Variants in CPA6 observed in about 807,000 individuals in gnomAD.
CPA6 encodes the protein carboxypeptidase A6.
A neutral mutation model predicts 63.3 loss-of-function variants in CPA6; 58 were observed. The observed-to-expected ratio is 0.92, with a 90% CI of 0.74 to 1.14. The LOEUF is 1.14. Ranked by LOEUF, CPA6 falls within the 50% of genes most tolerant of loss-of-function variation. The pLI is 0.00. For missense variants in CPA6, 565 were observed against 526.6 expected, an observed-to-expected ratio of 1.07 and a Z score of -0.71; for synonymous variants, 185 against 179.0, an observed-to-expected ratio of 1.03 and a Z score of -0.27.
chr8:67,580,282 G>C (rs1371182441), intron 2 of CPA6, among the ~76,000 whole-genome samples: 3 of 152,214 alleles, frequency 2.0e-5, no homozygotes, highest in Admixed American at 6.5e-5. Flanking sequence ...GCATGCTTAG[G>C]AGGAAGTGGT....
chr8:67,744,065 G>A (rs770290720), intron 1 of CPA6, among the ~76,000 whole-genome samples: 1 of 152,190 alleles, frequency 6.6e-6, no homozygotes, highest in Non-Finnish European at 1.5e-5. Context: ...TAGTTTTGGA[G>A]TAAACAAAGC....
At chr8:67,475,148 T>C (rs916380193) in intron 8 of CPA6, among the ~76,000 whole-genome samples, 1 of 152,248 alleles carries the variant, frequency 6.6e-6, no homozygotes, top group African/African-American at 2.4e-5. Flanking sequence ...CACTTTTATT[T>C]GGAAACTGTG....
chr8:67,530,217 GAAAA>G (rs3055690), intron 2 of CPA6, among the ~76,000 whole-genome samples: 3 of 138,308 alleles, frequency 2.2e-5, no homozygotes, highest in South Asian at 2.2e-4. Context: ...AAAAAGACAG[GAAAA>G]AAAAAAAAAT....
chr8:67,483,304 A>G (rs1359155481), intron 8 of CPA6: 1 of 155,900 alleles, frequency 6.4e-6, no homozygotes, highest in Non-Finnish European at 1.4e-5. Flanking sequence ...GCAGAAATAC[A>G]TTCCCAATGT....
At chr8:67,504,716 C>T (rs975792323) in intron 6 of CPA6, among the ~76,000 whole-genome samples, 8 of 152,122 alleles carry the variant, frequency 5.3e-5, no homozygotes, top group Admixed American at 3.3e-4. Flanking sequence ...GGGTGAATGA[C>T]CTCTAGGCCT....
At chr8:67,647,196 G>A (rs1161335418) in intron 1 of CPA6, among the ~76,000 whole-genome samples, 1 of 152,180 alleles carries the variant, frequency 6.6e-6, no homozygotes, top group Admixed American at 6.5e-5. Flanking sequence ...ACAGGAGAGG[G>A]AGGAAAAGAG....
At chr8:67,613,879 C>A (rs899858882) in intron 2 of CPA6, among the ~76,000 whole-genome samples, 2 of 152,016 alleles carry the variant, frequency 1.3e-5, no homozygotes, top group Non-Finnish European at 2.9e-5. Flanking sequence ...CAGAATGATG[C>A]GGCAGAGAGA....
intron 2 of CPA6, among the ~76,000 whole-genome samples, chr8:67,563,702 C>T (rs960050853): frequency 5.3e-5 from 8 of 152,168 alleles, no homozygotes; most frequent in African/African-American, 1.9e-4. Context: ...TAAAATCTCA[C>T]TCCTTTCCCC....
intron 9 of CPA6, among the ~76,000 whole-genome samples, chr8:67,433,250 C>A (rs1375419133): frequency 6.6e-6 from 1 of 152,174 alleles, no homozygotes; most frequent in Non-Finnish European, 1.5e-5. Flanking sequence ...TCACTGCACC[C>A]CCTCCTTTTC....
intron 6 of CPA6, among the ~76,000 whole-genome samples, 169 bp from the exon 7 acceptor site, chr8:67,484,958 CT>C (rs1563972019): frequency 6.6e-6 from 1 of 152,162 alleles, no homozygotes; most frequent in Non-Finnish European, 1.5e-5. Flanking sequence ...AGACTTCTGT[CT>C]GAATTAAACT....
intron 6 of CPA6, among the ~76,000 whole-genome samples, chr8:67,485,976 C>T (rs972245640): frequency 1.3e-5 from 2 of 152,120 alleles, no homozygotes; most frequent in South Asian, 2.1e-4. Flanking sequence ...TTAAAATTAT[C>T]GTGACTATTT....
chr8:67,582,165 A>G (rs1266736339), intron 2 of CPA6, among the ~76,000 whole-genome samples: 1 of 152,188 alleles, frequency 6.6e-6, no homozygotes, highest in Non-Finnish European at 1.5e-5. Flanking sequence ...GATGAAGGGT[A>G]AGATGAAATG....
chr8:67,607,250 T>TTCTTCC (rs1564021543), intron 2 of CPA6, among the ~76,000 whole-genome samples: 2 of 131,824 alleles, frequency 1.5e-5, no homozygotes, highest in Non-Finnish European at 3.2e-5. Flanking sequence ...CTTCTTCTTC[T>TTCTTCC]TCTCCTCCTC....
Position 67,573,216 on chromosome 8 carries a change from G to A in CPA6, c.192+50960C>T, listed in dbSNP as rs369416063. ...CCTTTCCTCTAAGATCCTGAACAAG[G>A]CAAGGATGTTCATTCATGCCACCTC... On this transcript the variant is annotated intron_variant, in intron 2 of 10. Coordinates refer to ENST00000297770, the MANE Select transcript of CPA6 (RefSeq NM_020361.5). Among the ~76,000 whole-genome samples, 10 of 152,266 alleles carry A rather than the reference G, an allele frequency of 6.6e-5. No individual in the cohort carries two copies. The East Asian group carries it at 9.6e-4, about 15-fold the overall frequency.
intron 1 of CPA6, among the ~76,000 whole-genome samples, chr8:67,710,984 C>T (rs1037266130): frequency 4.6e-5 from 7 of 152,156 alleles, no homozygotes; most frequent in African/African-American, 7.2e-5. Flanking sequence ...ATATACTTTT[C>T]GTAGCCCAGA....
chr8:67,589,996 A>G (rs1048653982), intron 2 of CPA6, among the ~76,000 whole-genome samples: 1 of 151,456 alleles, frequency 6.6e-6, no homozygotes, highest in Admixed American at 6.6e-5. Flanking sequence ...CCATTAACTC[A>G]TCATTTAGCA....
intron 1 of CPA6, among the ~76,000 whole-genome samples, chr8:67,652,670 T>G (rs1815876550): frequency 6.7e-6 from 1 of 150,298 alleles, no homozygotes; most frequent in Non-Finnish European, 1.5e-5. Context: ...TTGCGAAAAT[T>G]TTCTCCCATT....
At chr8:67,497,997 A>T (rs977792134) in intron 6 of CPA6, among the ~76,000 whole-genome samples, 1 of 152,070 alleles carries the variant, frequency 6.6e-6, no homozygotes, top group African/African-American at 2.4e-5. Flanking sequence ...CATTACTTTT[A>T]AGTTTTGTAA....
At chr8:67,513,826 G>T (rs1236919427) in intron 3 of CPA6, among the ~76,000 whole-genome samples, 1 of 152,156 alleles carries the variant, frequency 6.6e-6, no homozygotes. Flanking sequence ...CACAGCCTGT[G>T]ATGATTCCTA....
Sources: gnomAD v4.1 joint callset for allele counts (sites outside exome capture counted in the v4.1 genomes callset) on GRCh38, gnomAD v4.1.1 for gene constraint, MANE v1.5 for transcripts, NCBI Gene and HGNC (gene_info 2026-07-23, HGNC 2026-07-21) for gene names.